Variants in UROC1 observed in about 807,000 individuals in gnomAD.
UROC1 encodes urocanate hydratase.
Under a neutral mutation model 89.5 loss-of-function variants are expected in UROC1, and 79 were observed. That is an observed-to-expected ratio of 0.88 (90% CI 0.74 to 1.06). The LOEUF (loss-of-function observed/expected upper bound fraction) is 1.06, where lower values mean the gene tolerates loss of function less well. UROC1 is among the 50% of genes least tolerant of loss of function. The probability of loss-of-function intolerance (pLI) is 0.00; values close to 1 mark genes in which losing one functional copy is unlikely to be tolerated. For missense variants in UROC1, 885 were observed against 907.8 expected (o/e 0.97, Z 0.32); for synonymous variants, 361 against 354.8 (o/e 1.02, Z -0.20).
At position 126,482,145 on chromosome 3, in the gene UROC1, G is replaced by C. The variant is rs1004365802; in HGVS notation, c.*200C>G. 5 of 705,106 alleles carry C rather than the reference G, an allele frequency of 7.1e-6. No homozygotes were observed. Among genetic ancestry groups the C allele is most frequent in the South Asian group, 3.7e-5 (2 of 53,656 alleles). The allele number at this position is 705,106 out of a possible 1,614,324, so 43.7% of individuals were successfully genotyped here. A position where few individuals can be genotyped will look rare whatever the true frequency, so the allele number is the denominator to read the frequency against. ...TGCAAGTGGCATGGTTGTGGACAGA[G>C]AGCTGCATGTCTCTGGGCCTCAGGG... On this transcript the variant is annotated 3_prime_UTR_variant, in exon 20 of 20. Transcript: ENST00000290868.
intron 14 of UROC1, 119 bp from the exon 15 acceptor site, chr3:126,496,227 G>T: frequency 9.7e-7 from 1 of 1,029,742 alleles, no homozygotes; most frequent in Non-Finnish European, 1.5e-6. Context: ...TAGGACACAA[G>T]GTGAGGGAGC....
At chr3:126,485,173 C>T (rs906879787) in intron 18 of UROC1, among the ~76,000 whole-genome samples, 2 of 152,212 alleles carry the variant, frequency 1.3e-5, no homozygotes, top group African/African-American at 4.8e-5. Flanking sequence ...GTGCATGATT[C>T]GATGAGTTAA....
chr3:126,509,744 G>A (rs1161853714), intron 2 of UROC1, 66 bp from the exon 3 acceptor site: 34 of 1,446,638 alleles, frequency 2.4e-5, no homozygotes, highest in African/African-American at 2.8e-5. Flanking sequence ...GCCTGGCCCC[G>A]CCCAGCCCCT....
chr3:126,503,217 T>G (rs1447543232), intron 9 of UROC1, among the ~76,000 whole-genome samples: 19 of 152,206 alleles, frequency 1.2e-4, no homozygotes. Flanking sequence ...GTTAGAATGA[T>G]AGGTCAAAAT....
chr3:126,498,273 C>G, intron 13 of UROC1, 101 bp from the exon 14 acceptor site: 1 of 1,597,806 alleles, frequency 6.3e-7, no homozygotes. Flanking sequence ...ATCCAGAAGT[C>G]AGGTGTGGAA....
At position 126,502,104 on chromosome 3, in the gene UROC1, T is replaced by C. The variant is rs540948240; in HGVS notation, c.903-824A>G. ...TGTTCATGTGTGGATGTGCATGCAT[T>C]TGTACATATATATGTATATATGCGT... On this transcript the variant is annotated intron_variant, in intron 9 of 19. Coordinates refer to ENST00000290868, the MANE Select transcript of UROC1 (RefSeq NM_144639.3). Among the ~76,000 whole-genome samples the C allele has an allele frequency of 2.6e-3, 401 of 152,286 alleles. 1 individual carries two copies. Among genetic ancestry groups the C allele is most frequent in the African/African-American group, 9.3e-3 (388 of 41,528 alleles).
chr3:126,486,747 G>T (rs886424073), intron 18 of UROC1, among the ~76,000 whole-genome samples: 11 of 152,202 alleles, frequency 7.2e-5, no homozygotes, highest in Admixed American at 4.6e-4. Context: ...GGGGTGGGGC[G>T]TCCCCTTGGA....
Position 126,507,811 on chromosome 3 carries a change from A to C in UROC1, c.541-8T>G. On this transcript the variant is annotated splice_polypyrimidine_tract_variant and splice_region_variant and intron_variant, in intron 5 of 19. Coordinates refer to ENST00000290868, the MANE Select transcript of UROC1 (RefSeq NM_144639.3). ...GGAGTAGTTGGGAATGACCTGGAGAAGAGGATGGGGGCAGACAGAGGGGCT... is the reference window on the plus strand; with the variant it reads ...GGAGTAGTTGGGAATGACCTGGAGACGAGGATGGGGGCAGACAGAGGGGCT... 1.2e-6 allele frequency: 2 copies of C among 1,614,134 alleles called. No individual in the cohort carries two copies. Among genetic ancestry groups the C allele is most frequent in the Admixed American group, 3.3e-5 (2 of 60,022 alleles).
intron 17 of UROC1, among the ~76,000 whole-genome samples, 168 bp from the exon 18 acceptor site, chr3:126,488,447 G>A (rs142661122): frequency 7.2e-5 from 11 of 152,384 alleles, no homozygotes; most frequent in Admixed American, 7.2e-4. Flanking sequence ...TGTGCTGGCA[G>A]AGCTGGAGCT....
intron 14 of UROC1, among the ~76,000 whole-genome samples, chr3:126,497,428 C>G (rs1935803025): frequency 6.6e-6 from 1 of 152,242 alleles, no homozygotes; most frequent in Non-Finnish European, 1.5e-5. Flanking sequence ...ACACAACCCT[C>G]TGGCAGAACC....
chr3:126,512,594 A>T (rs1402149477), intron 1 of UROC1, among the ~76,000 whole-genome samples: 1 of 152,092 alleles, frequency 6.6e-6, no homozygotes, highest in Non-Finnish European at 1.5e-5. Flanking sequence ...CATGGTGCAT[A>T]TGCCTGTGGT....
chr3:126,500,248 C>G (rs1026356047), intron 11 of UROC1, 94 bp from the exon 12 acceptor site: 6 of 1,221,178 alleles, frequency 4.9e-6, no homozygotes, highest in Non-Finnish European at 7.1e-6. Flanking sequence ...TCCCCACCAA[C>G]TTCCAGCCCC....
In UROC1 at chr3:126,489,380, G is replaced by T; in HGVS notation, c.1609-5C>A. The T allele has an allele frequency of 6.2e-7, 1 of 1,611,094 alleles. No individual in the cohort carries two copies. Among genetic ancestry groups the T allele is most frequent in the Non-Finnish European group, 8.5e-7 (1 of 1,179,608 alleles). ...TCGGCTCAGGACCACCGGCGCCTGTGCATGGAAGGACAGAAGCTGTCAGCC... is the reference window on the plus strand; with the variant it reads ...TCGGCTCAGGACCACCGGCGCCTGTTCATGGAAGGACAGAAGCTGTCAGCC... On this transcript the variant is annotated splice_region_variant and splice_polypyrimidine_tract_variant and intron_variant, in intron 16 of 19. Transcript: ENST00000290868.
At chr3:126,501,713 A>G in intron 9 of UROC1, 1 of 1,433,400 alleles carries the variant, frequency 7.0e-7, no homozygotes, top group Non-Finnish European at 9.4e-7. Context: ...AGATTTGAAC[A>G]GGCCTTGCAG....
At chr3:126,494,857 A>G (rs1560118767) in intron 15 of UROC1, among the ~76,000 whole-genome samples, 1 of 141,902 alleles carries the variant, frequency 7.0e-6, no homozygotes, top group Non-Finnish European at 1.5e-5. Flanking sequence ...TTTCCTGCAC[A>G]CACACCCAGC....
chr3:126,492,299 G>T (rs987588560), intron 16 of UROC1, 119 bp downstream of exon 16: 1 of 980,502 alleles, frequency 1.0e-6, no homozygotes, highest in Non-Finnish European at 1.6e-6. Flanking sequence ...CCCAACGGGG[G>T]TGTCTCCCCA....
intron 18 of UROC1, among the ~76,000 whole-genome samples, chr3:126,485,899 G>T (rs1429792425): frequency 6.6e-6 from 1 of 152,138 alleles, no homozygotes; most frequent in Non-Finnish European, 1.5e-5. Flanking sequence ...ATTTACCCCT[G>T]CCCCTCCTGC....
chr3:126,498,093 C>T lies in UROC1; in HGVS notation c.1396G>A (p.Glu466Lys), dbSNP rs748062132. Residue 466 changes from glutamate to lysine, a missense_variant, in exon 14 of 20, where the codon GAA (glutamate) becomes AAA (lysine). Glu to Lys is a moderately conservative substitution (Grantham distance 56). Transcript: ENST00000290868. Reference sequence around the variant, plus strand: ...TCCTCCAGCACAGATGTGGCCAGTTCGTCTGTGACCGCCAGGTCCTGGGGG... The same window carrying T: ...TCCTCCAGCACAGATGTGGCCAGTTTGTCTGTGACCGCCAGGTCCTGGGGG... ...GDPQDLAVTDELATSVLEEAI... is the reference protein window; with the variant it reads ...GDPQDLAVTDKLATSVLEEAI... 8.1e-6 allele frequency: 13 copies of T among 1,614,030 alleles called. No individual in the cohort carries two copies. Among genetic ancestry groups the T allele is most frequent in the Non-Finnish European group, 1.1e-5 (13 of 1,180,038 alleles).
Position 126,482,155 on chromosome 3 carries a change from T to G in UROC1, c.*190A>C. ...ATGGTTGTGGACAGAGAGCTGCATGTCTCTGGGCCTCAGGGGGCTGTCTGT... is the reference window on the plus strand; with the variant it reads ...ATGGTTGTGGACAGAGAGCTGCATGGCTCTGGGCCTCAGGGGGCTGTCTGT... On this transcript the variant is annotated 3_prime_UTR_variant, in exon 20 of 20. Transcript: ENST00000290868. 1.3e-6 allele frequency: 1 copy of G among 742,590 alleles called. No homozygotes were observed. Among genetic ancestry groups the G allele is most frequent in the African/African-American group, 1.8e-5 (1 of 56,820 alleles). The allele number at this position is 742,590 out of a possible 1,614,324, so 46.0% of individuals were successfully genotyped here.
Sources: gnomAD v4.1 joint callset for allele counts (sites outside exome capture counted in the v4.1 genomes callset) on GRCh38, gnomAD v4.1.1 for gene constraint, MANE v1.5 for transcripts, NCBI Gene and HGNC (gene_info 2026-07-23, HGNC 2026-07-21) for gene names.